SPTBN1: variants seen among roughly 807,000 people sequenced by gnomAD.
The protein encoded by SPTBN1 is spectrin beta chain, non-erythrocytic 1.
SPTBN1 carries 32 observed loss-of-function variants against 266.4 expected under a neutral mutation model. That is an observed-to-expected ratio of 0.12 (90% confidence interval 0.09 to 0.16). SPTBN1 has a LOEUF of 0.16. Ranked by LOEUF, SPTBN1 falls within the 10% of genes least tolerant of loss-of-function variation. The probability of loss-of-function intolerance (pLI) is 1.00; values close to 1 mark genes in which losing one functional copy is unlikely to be tolerated. For synonymous variants in SPTBN1, 1,336 were observed against 1,162.2 expected, an observed-to-expected ratio of 1.15 and a Z score of -3.04; for missense variants, 2,296 against 3,067.1, an observed-to-expected ratio of 0.75 and a Z score of 5.94.
chr2:54,656,028 T>C, intron 29 of SPTBN1, 30 bp downstream of exon 29: 3 of 1,570,580 alleles, frequency 1.9e-6, no homozygotes, highest in Non-Finnish European at 2.6e-6. Flanking sequence ...TTCTGCTCTT[T>C]TGGGTATCAA....
chr2:54,573,371 C>A (rs1410313269), intron 2 of SPTBN1, among the ~76,000 whole-genome samples: 1 of 152,176 alleles, frequency 6.6e-6, no homozygotes, highest in African/African-American at 2.4e-5. Flanking sequence ...AACCTAGATC[C>A]TTTGCATGCA....
intron 2 of SPTBN1, among the ~76,000 whole-genome samples, chr2:54,548,580 C>T (rs976866820): frequency 2.0e-5 from 3 of 152,234 alleles, no homozygotes; most frequent in African/African-American, 4.8e-5. Flanking sequence ...ATGCACGCTA[C>T]TTCCTTTGTG....
In SPTBN1 at chr2:54,664,491, C is replaced by T. The variant is rs753798576; in HGVS notation, c.6459C>T (p.Gly2153=). 4.3e-6 allele frequency: 7 copies of T among 1,613,994 alleles called. No individual in the cohort carries two copies. The highest frequency in any genetic ancestry group is 1.3e-5 in the African/African-American group (1 of 75,036). The change falls in exon 33 of 36, where the codon GGC becomes GGT. Residue 2153 remains glycine (G), a synonymous_variant. Transcript: ENST00000356805. The surrounding 1 kb of genome is among the most constrained non-coding windows in gnomAD (Gnocchi z 5.6). ...TGGACACAAGCGAAATGGTCAACGG[C>T]GCTACAGAACAAAGGACGAGCTCTA... ...ETVDTSEMVN[G]ATEQRTSSKE...
intron 1 of SPTBN1, among the ~76,000 whole-genome samples, chr2:54,465,146 T>G (rs544252816): frequency 1.1e-4 from 16 of 152,332 alleles, no homozygotes; most frequent in Admixed American, 3.9e-4. Context: ...TTCTTTGCAG[T>G]TTTCTAAGAG....
In SPTBN1 at chr2:54,668,586, T is replaced by A; in HGVS notation, c.*17T>A. ...AAGAAATGAACTCCTTTCCTTCACC[T>A]CCTGCCCTTCTCTTACCTTTTCAGT... On this transcript the variant is annotated 3_prime_UTR_variant, in exon 36 of 36. Transcript: ENST00000356805. 1 of 1,587,924 alleles carries A rather than the reference T, an allele frequency of 6.3e-7. No homozygotes were observed. Among genetic ancestry groups the A allele is most frequent in the Non-Finnish European group, 8.6e-7 (1 of 1,166,364 alleles).
intron 2 of SPTBN1, among the ~76,000 whole-genome samples, chr2:54,585,757 T>G (rs963234031): frequency 3.3e-5 from 5 of 152,218 alleles, no homozygotes; most frequent in Non-Finnish European, 7.4e-5. Flanking sequence ...AGTGTCCTTA[T>G]ATTAGTTACT....
intron 24 of SPTBN1, among the ~76,000 whole-genome samples, chr2:54,648,070 G>A (rs550461740): frequency 3.3e-5 from 5 of 152,286 alleles, no homozygotes; most frequent in East Asian, 1.9e-4. Flanking sequence ...GAACACCTTC[G>A]AGGAAAAAGA....
rs1415231834 is a variant in SPTBN1 at position 54,645,359 on chromosome 2, T to G, written c.4400T>G (p.Phe1467Cys). 6.2e-7 allele frequency: 1 copy of G among 1,614,108 alleles called. No homozygotes were observed. The highest frequency in any genetic ancestry group is 1.1e-5 in the South Asian group (1 of 91,076). The change falls in exon 21 of 36, where the codon TTC becomes TGC. Residue 1467 changes from phenylalanine (F) to cysteine (C), a missense_variant. Transcript: ENST00000356805. The surrounding 1 kb of genome is among the most constrained non-coding windows in gnomAD (Gnocchi z 4.3). ...AAGCGCCTCACCGTGCAGACCAAGT[T>G]CATGGAGTTGCTGGAGCCCTTGAAC... Reference protein sequence around the residue: ...DSKRLTVQTKFMELLEPLNER... With the variant: ...DSKRLTVQTKCMELLEPLNER...
rs980404137 is a variant in SPTBN1, at chr2:54,618,255, A to G, written c.763+62A>G. 3 of 1,382,010 alleles carry G rather than the reference A, an allele frequency of 2.2e-6. No individual in the cohort carries two copies. The African/African-American group carries it at 4.3e-5, about 20-fold the overall frequency. The allele number at this position is 1,382,010 out of a possible 1,614,324, so 85.6% of individuals were successfully genotyped here. A position where few individuals can be genotyped will look rare whatever the true frequency, so the allele number is the denominator to read the frequency against. ...ATCTGTACCATCCAGGTGTTAATGT[A>G]AAATCTGTTTTGTGTCAGTCTGTTT... is the stretch of plus-strand genomic sequence containing the variant. On this transcript the variant is annotated intron_variant, in intron 7 of 35. Transcript: ENST00000356805.
intron 2 of SPTBN1, among the ~76,000 whole-genome samples, chr2:54,594,613 A>G (rs937968629): frequency 3.9e-5 from 6 of 152,202 alleles, no homozygotes; most frequent in Admixed American, 6.5e-5. Context: ...AGTGAATGCT[A>G]TAATTATATT....
intron 29 of SPTBN1, among the ~76,000 whole-genome samples, chr2:54,656,572 A>G (rs1680675952): frequency 6.6e-6 from 1 of 152,214 alleles, no homozygotes; most frequent in African/African-American, 2.4e-5. Context: ...ATAGCATTTC[A>G]TAATTGGTAT....
At position 54,585,983 on chromosome 2, in the gene SPTBN1, A is replaced by G. The variant is rs72920515; in HGVS notation, c.149-13109A>G. On this transcript the variant is annotated intron_variant, in intron 2 of 35. Coordinates refer to ENST00000356805, the MANE Select transcript of SPTBN1 (RefSeq NM_003128.3). ...TGTGAGAAGTGAAATTTTGAGTTAC[A>G]CATTGGGATATGATATCACTTAGAA... Among the ~76,000 whole-genome samples, 334 of 152,344 alleles carry G rather than the reference A, an allele frequency of 2.2e-3. 1 individual carries two copies. The highest frequency in any genetic ancestry group is 7.6e-3 in the African/African-American group (317 of 41,570).
At chr2:54,529,182 G>A (rs975506658) in intron 2 of SPTBN1, among the ~76,000 whole-genome samples, 1 of 152,164 alleles carries the variant, frequency 6.6e-6, no homozygotes, top group Non-Finnish European at 1.5e-5. Context: ...GCCCTGGCTT[G>A]GGGATCACAT....
rs1035457791 is a variant in SPTBN1, at chr2:54,618,282, A to G, written c.763+89A>G. 4 of 1,134,730 alleles carry G rather than the reference A, an allele frequency of 3.5e-6. No individual in the cohort carries two copies. In the African/African-American group the frequency reaches 6.3e-5, roughly 18 times the overall value. The allele number at this position is 1,134,730 out of a possible 1,614,324, so 70.3% of individuals were successfully genotyped here. On this transcript the variant is annotated intron_variant, in intron 7 of 35. Coordinates refer to ENST00000356805, the MANE Select transcript of SPTBN1 (RefSeq NM_003128.3). ...AATCTGTTTTGTGTCAGTCTGTTTC[A>G]TTTGGGAGTTATCAAAGGAAGAGCT...
chr2:54,592,250 C>A (rs1318879163), intron 2 of SPTBN1, among the ~76,000 whole-genome samples: 1 of 152,030 alleles, frequency 6.6e-6, no homozygotes, highest in Non-Finnish European at 1.5e-5. Flanking sequence ...CACAGTCATT[C>A]CCTAAAAAGA....
chr2:54,627,283 T>C (rs1218676118), intron 12 of SPTBN1, among the ~76,000 whole-genome samples: 1 of 152,202 alleles, frequency 6.6e-6, no homozygotes, highest in Non-Finnish European at 1.5e-5. Flanking sequence ...GAGGGACTTT[T>C]CATTTTATAA....
intron 1 of SPTBN1, among the ~76,000 whole-genome samples, chr2:54,514,791 A>G (rs918027336): frequency 6.6e-6 from 1 of 152,190 alleles, no homozygotes; most frequent in Non-Finnish European, 1.5e-5. Flanking sequence ...ATCTGTACTA[A>G]CCAACTCCAT....
At chr2:54,640,796 C>T (rs138150664) in intron 18 of SPTBN1, among the ~76,000 whole-genome samples, 1 of 152,356 alleles carries the variant, frequency 6.6e-6, no homozygotes, top group African/African-American at 2.4e-5. Flanking sequence ...AAGTGACCCA[C>T]CCGCCTTGGC....
Position 54,655,073 on chromosome 2 carries a change from T to C in SPTBN1, c.5826T>C (p.Asp1942=). ...RQIEAQEKPR[D]VSSVELLMNN... is the part of the protein sequence containing the mutation. ...GGCATCGTTTGTCTAATTTTAGGGA[T>C]GTATCATCTGTTGAACTCTTAATGA... Residue 1942 remains aspartate, a synonymous_variant, in exon 28 of 36, where the codon GAT becomes GAC. Coordinates refer to ENST00000356805, the MANE Select transcript of SPTBN1 (RefSeq NM_003128.3). 6.2e-7 allele frequency: 1 copy of C among 1,611,674 alleles called. No homozygotes were observed. Among genetic ancestry groups the C allele is most frequent in the Non-Finnish European group, 8.5e-7 (1 of 1,178,412 alleles).
Sources: gnomAD v4.1 joint callset for allele counts (sites outside exome capture counted in the v4.1 genomes callset) on GRCh38, gnomAD v4.1.1 for gene constraint, Gnocchi (gnomAD v3.1) non-coding constraint, MANE v1.5 for transcripts, NCBI Gene and HGNC (gene_info 2026-07-23, HGNC 2026-07-21) for gene names.